FREM2: variants seen among roughly 807,000 people sequenced by gnomAD.
FREM2 encodes FRAS1 related extracellular matrix 2.
Under a neutral mutation model 219.9 loss-of-function variants are expected in FREM2, and 119 were observed. That is an observed-to-expected ratio of 0.54 (90% CI 0.47 to 0.63). The LOEUF (loss-of-function observed/expected upper bound fraction) is 0.63. Among genes scored for constraint, FREM2 ranks in the 30% least tolerant of loss-of-function variants. The pLI, the probability that FREM2 is intolerant of heterozygous loss-of-function variation, is 0.00. For synonymous variants in FREM2, 1,562 were observed against 1,522.8 expected (o/e 1.03, Z -0.60); for missense variants, 4,030 against 3,993.6 (o/e 1.01, Z -0.25).
intron 1 of FREM2, among the ~76,000 whole-genome samples, chr13:38,697,151 A>G (rs973863201): frequency 1.3e-5 from 2 of 152,128 alleles, no homozygotes; most frequent in Non-Finnish European, 2.9e-5. Context: ...GTCATCAGTT[A>G]TTTCAATGTG....
rs571781749 is a variant in FREM2, at chr13:38,885,012, A to G, written c.*4225A>G. 76 of 152,308 alleles carry G rather than the reference A, an allele frequency of 5.0e-4. No individual in the cohort carries two copies. The East Asian group carries it at 0.011, about 22-fold the overall frequency. The allele number at this position is 152,308 out of a possible 1,614,324, so 9.4% of individuals were successfully genotyped here. A position where few individuals can be genotyped will look rare whatever the true frequency, so the allele number is the denominator to read the frequency against. ...GCACTATTGCATGGTAATAACATTT[A>G]ATTGTTAAGGAAACATTATATATAG... On this transcript the variant is annotated 3_prime_UTR_variant, in exon 24 of 24. Coordinates refer to ENST00000280481, the MANE Select transcript of FREM2 (RefSeq NM_207361.6).
rs1290802420 is a variant in FREM2, at chr13:38,866,366, G to C, written c.7983+1760G>C. Among the ~76,000 whole-genome samples, 5 of 152,108 alleles carry C rather than the reference G, an allele frequency of 3.3e-5. No individual in the cohort carries two copies. The East Asian group carries it at 9.7e-4, about 29-fold the overall frequency. On this transcript the variant is annotated intron_variant, in intron 16 of 23. Transcript: ENST00000280481. The stretch of plus-strand genomic sequence containing the variant: ...ATACAAAAATTAGCTGGGTGTGGTG[G>C]TGGGCTCCGTAATCCCAGCTACTCA...
chr13:38,777,426 C>G (rs192045637), intron 4 of FREM2, among the ~76,000 whole-genome samples: 1 of 152,162 alleles, frequency 6.6e-6, no homozygotes, highest in Non-Finnish European at 1.5e-5. Flanking sequence ...TGGGCGGGCT[C>G]TGACATGGAG....
At chr13:38,848,767 T>G (rs558822230) in intron 8 of FREM2, 97 bp downstream of exon 8, 11 of 1,138,454 alleles carry the variant, frequency 9.7e-6, no homozygotes, top group Non-Finnish European at 1.3e-5. Context: ...ATATATTTGT[T>G]TGTTTGCTAG....
intron 2 of FREM2, among the ~76,000 whole-genome samples, chr13:38,757,119 C>CAT (rs1873041319): frequency 6.6e-6 from 1 of 152,132 alleles, no homozygotes; most frequent in Admixed American, 6.5e-5. Context: ...GAATCAGCCA[C>CAT]ATATTAGTCT....
chr13:38,716,091 T>G (rs148214084), intron 2 of FREM2, among the ~76,000 whole-genome samples: 1 of 152,174 alleles, frequency 6.6e-6, no homozygotes, highest in Non-Finnish European at 1.5e-5. Flanking sequence ...TAGGGAGATA[T>G]GACTCTTCCC....
At chr13:38,797,712 TC>T (rs1337542378) in intron 6 of FREM2, among the ~76,000 whole-genome samples, 1 of 152,066 alleles carries the variant, frequency 6.6e-6, no homozygotes, top group South Asian at 2.1e-4. Flanking sequence ...CCCATTTTTT[TC>T]CTAGTAGTTT....
At chr13:38,807,755 T>C (rs536472876) in intron 6 of FREM2, among the ~76,000 whole-genome samples, 1 of 152,094 alleles carries the variant, frequency 6.6e-6, no homozygotes, top group African/African-American at 2.4e-5. Context: ...TGTACTGTCA[T>C]CTAGGCTTTG....
intron 6 of FREM2, among the ~76,000 whole-genome samples, chr13:38,802,907 C>T (rs1875075205): frequency 6.6e-6 from 1 of 152,148 alleles, no homozygotes; most frequent in South Asian, 2.1e-4. Context: ...ACCCTTTCCG[C>T]ACTTGTGGGA....
chr13:38,783,819 G>A (rs1025917258), intron 5 of FREM2, among the ~76,000 whole-genome samples: 9 of 152,174 alleles, frequency 5.9e-5, no homozygotes, highest in African/African-American at 1.4e-4. Flanking sequence ...TTCAGAGGCC[G>A]GGCTCAGTGG....
intron 6 of FREM2, among the ~76,000 whole-genome samples, chr13:38,807,923 C>A (rs1228131174): frequency 1.3e-5 from 2 of 151,968 alleles, no homozygotes; most frequent in African/African-American, 2.4e-5. Flanking sequence ...TGAAGCCAGG[C>A]ATTGAATTCT....
intron 2 of FREM2, among the ~76,000 whole-genome samples, chr13:38,727,279 C>G (rs1463736352): frequency 6.6e-6 from 1 of 151,938 alleles, no homozygotes; most frequent in African/African-American, 2.4e-5. Context: ...ATTTTAAATG[C>G]TATAAAAATA....
chr13:38,702,307 A>T (rs1412646883), intron 2 of FREM2, among the ~76,000 whole-genome samples: 1 of 152,162 alleles, frequency 6.6e-6, no homozygotes, highest in Non-Finnish European at 1.5e-5. Flanking sequence ...TCAGAAAAAA[A>T]AACTTGTCGG....
chr13:38,874,646 C>G (rs1341385136), intron 18 of FREM2, 60 bp downstream of exon 18: 48 of 1,334,220 alleles, frequency 3.6e-5, no homozygotes, highest in Non-Finnish European at 4.5e-5. Context: ...GATTTTCCAT[C>G]TTCACACATT....
intron 4 of FREM2, among the ~76,000 whole-genome samples, chr13:38,772,943 C>T (rs375549762): frequency 2.6e-5 from 4 of 152,050 alleles, no homozygotes; most frequent in African/African-American, 7.2e-5. Flanking sequence ...GTGATCTGCC[C>T]GCCTCGGCCT....
At chr13:38,708,823 G>A (rs889924387) in intron 2 of FREM2, among the ~76,000 whole-genome samples, 9 of 152,034 alleles carry the variant, frequency 5.9e-5, no homozygotes, top group Admixed American at 4.6e-4. Flanking sequence ...GCAATGGTGC[G>A]ATCTTGGCTC....
chr13:38,858,103 G>A lies in FREM2; in HGVS notation c.7215+70G>A, dbSNP rs111907873. 2.3e-6 allele frequency: 3 copies of A among 1,315,982 alleles called. No homozygotes were observed. The South Asian group carries it at 3.6e-5, about 16-fold the overall frequency. 81.5% of individuals were successfully genotyped at this position (1,315,982 alleles called of 1,614,324 possible). ...ATTTCAAATAATTATAATCAATATA[G>A]CATTGGCTTTGTTATGAAGAAATGA... On this transcript the variant is annotated intron_variant, in intron 13 of 23. Coordinates refer to ENST00000280481, the MANE Select transcript of FREM2 (RefSeq NM_207361.6).
In FREM2 at chr13:38,849,500, GCT is replaced by G. The variant is rs1180666159; in HGVS notation, c.6380-533_6380-532del. On this transcript the variant is annotated intron_variant, in intron 8 of 23. Transcript: ENST00000280481. ...AACCCTCTGCTGGACACATGGCAGA[GCT>G]CTCTGACACGTCATCACAAGGGAAT... 2.6e-5 allele frequency among the ~76,000 whole-genome samples: 4 copies of G among 152,276 alleles called. No individual in the cohort carries two copies. In the East Asian group the frequency reaches 5.8e-4, roughly 22 times the overall value.
At position 38,864,491 on chromosome 13, in the gene FREM2, C is replaced by T; in HGVS notation, c.7868C>T (p.Thr2623Ile). ...AGCTTGTCCATCAGAGGTTCCACTA[C>T]CTTGCGCTTCTACCGGAACCTGAAC... ...QYSLSIRGSTTLRFYRNLNLE... is the reference protein window; with the variant it reads ...QYSLSIRGSTILRFYRNLNLE... Residue 2623 changes from threonine to isoleucine, a missense_variant, in exon 16 of 24, where the codon ACC (threonine) becomes ATC (isoleucine). This residue lies in a region of FREM2 where 928 missense variants were observed against 1,042.9 expected (regional missense o/e 0.89). Transcript: ENST00000280481. The T allele has an allele frequency of 6.2e-7, 1 of 1,614,126 alleles. No individual in the cohort carries two copies. Among genetic ancestry groups the T allele is most frequent in the Non-Finnish European group, 8.5e-7 (1 of 1,179,982 alleles).
Sources: allele counts gnomAD v4.1 joint callset (sites outside exome capture counted in the v4.1 genomes callset), GRCh38; gene constraint gnomAD v4.1.1; regional missense constraint gnomAD v4.1.1; transcripts MANE v1.5; gene names NCBI Gene and HGNC (gene_info 2026-07-23, HGNC 2026-07-21).